Variants in CAMK2D observed in about 807,000 individuals in gnomAD.
CAMK2D encodes the protein calcium/calmodulin-dependent protein kinase type II subunit delta.
A neutral mutation model predicts 84.0 loss-of-function variants in CAMK2D; 37 were observed. The observed-to-expected ratio is 0.44, with a 90% CI of 0.34 to 0.58. CAMK2D has a LOEUF of 0.58. CAMK2D is among the 20% of genes least tolerant of loss of function. CAMK2D has a pLI of 0.02. For missense variants in CAMK2D, 448 were observed against 652.5 expected (o/e 0.69, Z 3.41); for synonymous variants, 202 against 212.5 (o/e 0.95, Z 0.43).
At chr4:113,622,124 C>T (rs2099048806) in intron 3 of CAMK2D, among the ~76,000 whole-genome samples, 1 of 152,128 alleles carries the variant, frequency 6.6e-6, no homozygotes, top group Admixed American at 6.6e-5. Flanking sequence ...CATTTAACAT[C>T]CCCTGTGTCT....
intron 2 of CAMK2D, 164 bp downstream of exon 2, chr4:113,759,156 T>G (rs1433880757): frequency 2.5e-6 from 1 of 402,614 alleles, no homozygotes; most frequent in Non-Finnish European, 4.4e-6. Context: ...ATTTTTAAGC[T>G]GTACAGACCA....
intron 3 of CAMK2D, among the ~76,000 whole-genome samples, chr4:113,655,698 T>C (rs185204817): frequency 2.0e-5 from 3 of 152,184 alleles, no homozygotes; most frequent in East Asian, 1.9e-4. Context: ...GTCTCAAATA[T>C]TGATCTTTTC....
At chr4:113,603,260 G>A (rs926401826) in intron 4 of CAMK2D, among the ~76,000 whole-genome samples, 1 of 151,574 alleles carries the variant, frequency 6.6e-6, no homozygotes, top group Non-Finnish European at 1.5e-5. Flanking sequence ...TGTGCACAAT[G>A]TGCAGGTTAG....
chr4:113,473,219 T>C (rs7676254), intron 16 of CAMK2D, among the ~76,000 whole-genome samples: 20,639 of 152,226 alleles, frequency 0.14, 1,687 homozygotes, highest in African/African-American at 0.22. Flanking sequence ...CCCGTGGTTT[T>C]ATTGTCTTTT....
At chr4:113,717,891 G>A (rs2099518484) in intron 2 of CAMK2D, among the ~76,000 whole-genome samples, 1 of 151,914 alleles carries the variant, frequency 6.6e-6, no homozygotes, top group Non-Finnish European at 1.5e-5. Context: ...TATTTATGCT[G>A]TTAACCATTA....
chr4:113,606,507 A>C (rs918043542), intron 4 of CAMK2D, among the ~76,000 whole-genome samples: 17 of 151,942 alleles, frequency 1.1e-4, no homozygotes, highest in South Asian at 2.1e-4. Flanking sequence ...AAAAAAAAAA[A>C]AACAACAGAG....
intron 16 of CAMK2D, among the ~76,000 whole-genome samples, chr4:113,466,027 G>A (rs1191354277): frequency 2.0e-5 from 3 of 151,928 alleles, no homozygotes; most frequent in African/African-American, 4.8e-5. Flanking sequence ...CGAGGTGGGC[G>A]GATCACCTGA....
At chr4:113,669,778 C>G (rs1276482782) in intron 2 of CAMK2D, among the ~76,000 whole-genome samples, 1 of 152,174 alleles carries the variant, frequency 6.6e-6, no homozygotes, top group Non-Finnish European at 1.5e-5. Flanking sequence ...AGGAGTAAAC[C>G]AGGAAGCATA....
chr4:113,743,539 A>G (rs2099597552), intron 2 of CAMK2D, among the ~76,000 whole-genome samples: 2 of 152,298 alleles, frequency 1.3e-5, no homozygotes, highest in Non-Finnish European at 2.9e-5. Context: ...CAGCAGAACT[A>G]TAACTGCCCT....
chr4:113,451,118 T>A lies in CAMK2D; in HGVS notation c.*3427A>T, dbSNP rs1026862374. 15 of 152,190 alleles carry A rather than the reference T, an allele frequency of 9.9e-5. No individual in the cohort carries two copies. The highest frequency in any genetic ancestry group is 3.1e-4 in the African/African-American group (13 of 41,446). The allele number at this position is 152,190 out of a possible 1,614,324, so 9.4% of individuals were successfully genotyped here. A position where few individuals can be genotyped will look rare whatever the true frequency, so the allele number is the denominator to read the frequency against. ...TACCCTTAAATTATAATTTTTTACA[T>A]AAAAATTCAAAATTTGGGTGAAGAT... On this transcript the variant is annotated 3_prime_UTR_variant, in exon 21 of 21. Coordinates refer to ENST00000511664, the MANE Select transcript of CAMK2D (RefSeq NM_001321571.2).
chr4:113,545,953 A>G (rs2098565122), intron 6 of CAMK2D, among the ~76,000 whole-genome samples: 1 of 152,202 alleles, frequency 6.6e-6, no homozygotes, highest in Non-Finnish European at 1.5e-5. Context: ...GTCAGAGAAT[A>G]TATTTTTCTT....
chr4:113,561,004 T>C (rs1163137347), intron 4 of CAMK2D, among the ~76,000 whole-genome samples: 1 of 151,938 alleles, frequency 6.6e-6, no homozygotes, highest in African/African-American at 2.4e-5. Flanking sequence ...CCTACATAAA[T>C]GAGGAAGAGT....
chr4:113,640,033 A>G (rs1430133454), intron 3 of CAMK2D, among the ~76,000 whole-genome samples: 5 of 152,012 alleles, frequency 3.3e-5, no homozygotes, highest in African/African-American at 7.3e-5. Flanking sequence ...CTAAGTGCTT[A>G]TATAAGTTGG....
intron 2 of CAMK2D, among the ~76,000 whole-genome samples, chr4:113,747,319 TAAA>T (rs2099606800): frequency 1.8e-4 from 27 of 147,242 alleles, no homozygotes; most frequent in Non-Finnish European, 1.5e-4. Context: ...TTTTTTTTTT[TAAA>T]TTCAATAGGA....
intron 15 of CAMK2D, among the ~76,000 whole-genome samples, chr4:113,502,622 A>C (rs183797197): frequency 6.6e-6 from 1 of 152,218 alleles, no homozygotes; most frequent in East Asian, 1.9e-4. Flanking sequence ...AGTACAAAGC[A>C]CAAAGTCATG....
intron 4 of CAMK2D, among the ~76,000 whole-genome samples, chr4:113,563,253 TCAAAAAAA>T (rs966976049): frequency 1.1e-4 from 17 of 151,916 alleles, no homozygotes; most frequent in Non-Finnish European, 1.8e-4. Flanking sequence ...AAACTCCATC[TCAAAAAAA>T]CAAAAAAACA....
At chr4:113,599,572 C>T (rs1202155988) in intron 4 of CAMK2D, among the ~76,000 whole-genome samples, 2 of 152,102 alleles carry the variant, frequency 1.3e-5, no homozygotes, top group Non-Finnish European at 2.9e-5. Context: ...GATTCTTGAA[C>T]AACATGAGGG....
At chr4:113,523,886 G>C (rs1452827342) in intron 8 of CAMK2D, among the ~76,000 whole-genome samples, 1 of 151,872 alleles carries the variant, frequency 6.6e-6, no homozygotes, top group Non-Finnish European at 1.5e-5. Flanking sequence ...TTTAAAGACA[G>C]GGTCTCACTC....
rs570175865 is a variant in CAMK2D at position 113,621,349 on chromosome 4, A to G, written c.221-12143T>C. Among the ~76,000 whole-genome samples, 5 of 152,328 alleles carry G rather than the reference A, an allele frequency of 3.3e-5. No individual in the cohort carries two copies. The South Asian group carries it at 1.0e-3, about 32-fold the overall frequency. Reference sequence around the variant, plus strand: ...AATGAATAAAGAAGATACATTTTAAATGTTCTCAATAAAAACACCCATATG... The same window carrying G: ...AATGAATAAAGAAGATACATTTTAAGTGTTCTCAATAAAAACACCCATATG... On this transcript the variant is annotated intron_variant, in intron 3 of 20. Transcript: ENST00000511664.
Sources: gnomAD v4.1 joint callset for allele counts (sites outside exome capture counted in the v4.1 genomes callset) on GRCh38, gnomAD v4.1.1 for gene constraint, MANE v1.5 for transcripts, NCBI Gene and HGNC (gene_info 2026-07-23, HGNC 2026-07-21) for gene names.